Variants in TRIP11 observed in about 807,000 individuals in gnomAD.
TRIP11 encodes the protein thyroid hormone receptor interactor 11, also known as thyroid receptor-interacting protein 11.
TRIP11 carries 148 observed loss-of-function variants against 223.1 expected under a neutral mutation model. That is an observed-to-expected ratio of 0.66 (90% CI 0.58 to 0.76). TRIP11 has a LOEUF of 0.76. Ranked by LOEUF, TRIP11 falls within the 30% of genes least tolerant of loss-of-function variation. The pLI is 0.00. For missense variants in TRIP11, 2,043 were observed against 2,222.0 expected (o/e 0.92, Z 1.62); for synonymous variants, 762 against 772.6 (o/e 0.99, Z 0.23).
chr14:91,980,344 T>A (rs75263479), intron 16 of TRIP11, among the ~76,000 whole-genome samples: 1,709 of 152,244 alleles, frequency 0.011, 14 homozygotes, highest in Non-Finnish European at 0.017. Flanking sequence ...ATGAGTAAGC[T>A]CCTGTAGGCA....
intron 2 of TRIP11, among the ~76,000 whole-genome samples, chr14:92,025,675 G>A (rs1470444429): frequency 6.6e-6 from 1 of 151,968 alleles, no homozygotes. Context: ...TCAGGAGATC[G>A]AGACCATCCT....
chr14:92,007,948 A>G, intron 9 of TRIP11, 96 bp from the exon 10 acceptor site: 1 of 905,092 alleles, frequency 1.1e-6, no homozygotes, highest in South Asian at 1.5e-5. Flanking sequence ...GATTCTATTT[A>G]AGTGCTCTAT....
At chr14:91,984,086 T>C (rs903241817) in intron 16 of TRIP11, among the ~76,000 whole-genome samples, 3 of 152,076 alleles carry the variant, frequency 2.0e-5, no homozygotes, top group Non-Finnish European at 4.4e-5. Context: ...TTAAAAGTAG[T>C]CATTCAACCT....
intron 2 of TRIP11, among the ~76,000 whole-genome samples, chr14:92,028,254 TGA>T (rs1404858406): frequency 6.6e-6 from 1 of 152,164 alleles, no homozygotes; most frequent in Non-Finnish European, 1.5e-5. Context: ...CATAGCCATA[TGA>T]GAGTCAGAAA....
rs1354344157 is a variant in TRIP11 at position 92,038,795 on chromosome 14, C to G, written c.139+752G>C. Among the ~76,000 whole-genome samples, 3 of 152,044 alleles carry G rather than the reference C, an allele frequency of 2.0e-5. No homozygotes were observed. The East Asian group carries it at 5.8e-4, about 29-fold the overall frequency. ...GATCCAAACATTGCTTACTAAAATG[C>G]CAAGAAATCAAAATAGTAATTAATG... On this transcript the variant is annotated intron_variant, in intron 1 of 20. Transcript: ENST00000267622.
In TRIP11 at chr14:92,005,478, T is replaced by G. The variant is rs183586338; in HGVS notation, c.2498A>C (p.Lys833Thr). Reference protein sequence around the residue: ...RSSKLQEELDKYSQALRKNEI... With the variant: ...RSSKLQEELDTYSQALRKNEI... ...ATTTTTTCTTAAGGCCTGAGAATATTTATCCAATTCCTCCTGCAGCTTTGA... is the reference window on the plus strand; with the variant it reads ...ATTTTTTCTTAAGGCCTGAGAATATGTATCCAATTCCTCCTGCAGCTTTGA... Residue 833 changes from lysine to threonine, a missense_variant, in exon 11 of 21, where the codon AAA becomes ACA. Coordinates refer to ENST00000267622, the MANE Select transcript of TRIP11 (RefSeq NM_004239.4). 38 of 1,614,118 alleles carry G rather than the reference T, an allele frequency of 2.4e-5. No individual in the cohort carries two copies. The African/African-American group carries it at 4.5e-4, about 19-fold the overall frequency.
intron 16 of TRIP11, among the ~76,000 whole-genome samples, chr14:91,977,750 T>C (rs2056485828): frequency 6.6e-6 from 1 of 152,194 alleles, no homozygotes; most frequent in Non-Finnish European, 1.5e-5. Flanking sequence ...TGCTTTATGT[T>C]TTCATTCTGC....
chr14:91,974,554 G>A, intron 19 of TRIP11, 73 bp downstream of exon 19: 1 of 1,236,208 alleles, frequency 8.1e-7, no homozygotes, highest in South Asian at 1.3e-5. Flanking sequence ...AAAAAAATCT[G>A]ATTCTTTGCA....
At chr14:92,017,509 G>A (rs1436029119) in intron 5 of TRIP11, among the ~76,000 whole-genome samples, 173 bp downstream of exon 5, 1 of 152,164 alleles carries the variant, frequency 6.6e-6, no homozygotes, top group Non-Finnish European at 1.5e-5. Flanking sequence ...TCATGCCACT[G>A]CACTCCAGCC....
In TRIP11 at chr14:92,020,604, G is replaced by A. The variant is rs548847551; in HGVS notation, c.588+952C>T. Among the ~76,000 whole-genome samples the A allele has an allele frequency of 2.6e-5, 4 of 151,138 alleles. No homozygotes were observed. In the South Asian group the frequency reaches 8.3e-4, roughly 32 times the overall value. On this transcript the variant is annotated intron_variant, in intron 4 of 20. Coordinates refer to ENST00000267622, the MANE Select transcript of TRIP11 (RefSeq NM_004239.4). ...CACCAGAGGAGTCTCAGGGACTCCA[G>A]AAGAGAAGGTTCTTGGTTCAACCAC... is the stretch of plus-strand genomic sequence containing the variant.
At chr14:92,006,842 A>C (rs910301451) in intron 10 of TRIP11, among the ~76,000 whole-genome samples, 5 of 149,682 alleles carry the variant, frequency 3.3e-5, no homozygotes, top group Non-Finnish European at 5.9e-5. Flanking sequence ...CTAATTTTGT[A>C]TTTTTAGTAG....
intron 1 of TRIP11, among the ~76,000 whole-genome samples, chr14:92,035,033 G>C (rs117637557): frequency 6.6e-6 from 1 of 151,900 alleles, no homozygotes; most frequent in African/African-American, 2.4e-5. Context: ...GGCTGGTCTC[G>C]GTGGCTCATG....
At chr14:92,009,797 C>T (rs916967740) in intron 9 of TRIP11, among the ~76,000 whole-genome samples, 2 of 152,098 alleles carry the variant, frequency 1.3e-5, no homozygotes, top group African/African-American at 4.8e-5. Flanking sequence ...TTATAATATG[C>T]TGACATTTGT....
At chr14:91,989,738 T>C (rs1335711409) in intron 15 of TRIP11, among the ~76,000 whole-genome samples, 1 of 152,070 alleles carries the variant, frequency 6.6e-6, no homozygotes, top group Non-Finnish European at 1.5e-5. Context: ...GTAATCAAAG[T>C]CCTTAATCAG....
chr14:92,017,414 C>T (rs773523868), intron 5 of TRIP11, among the ~76,000 whole-genome samples: 15 of 152,010 alleles, frequency 9.9e-5, no homozygotes, highest in Non-Finnish European at 2.2e-4. Flanking sequence ...GGCATGGTGG[C>T]ATGTGTGCCT....
intron 16 of TRIP11, among the ~76,000 whole-genome samples, chr14:91,986,047 C>A (rs893650860): frequency 4.1e-4 from 63 of 152,106 alleles, no homozygotes; most frequent in African/African-American, 1.4e-3. Context: ...TCTCTTTACA[C>A]CCCTTCCTGT....
chr14:92,033,298 T>C (rs778407670), intron 1 of TRIP11, 45 bp from the exon 2 acceptor site: 3 of 1,439,800 alleles, frequency 2.1e-6, no homozygotes, highest in South Asian at 1.2e-5. Flanking sequence ...CAATACCATA[T>C]GAAGTAATAA....
intron 16 of TRIP11, among the ~76,000 whole-genome samples, chr14:91,981,012 A>ATATT (rs1301331303): frequency 2.6e-4 from 13 of 49,930 alleles, no homozygotes; most frequent in East Asian, 8.5e-4. Flanking sequence ...ATATATATAT[A>ATATT]TTTTTTTTTT....
chr14:91,970,350 T>C (rs141918439), intron 20 of TRIP11, among the ~76,000 whole-genome samples: 261 of 151,850 alleles, frequency 1.7e-3, no homozygotes, highest in African/African-American at 6.0e-3. Context: ...GAGGTGGAGG[T>C]TGCAGTGACT....
Sources: allele counts gnomAD v4.1 joint callset (sites outside exome capture counted in the v4.1 genomes callset), GRCh38; gene constraint gnomAD v4.1.1; transcripts MANE v1.5; gene names NCBI Gene and HGNC (gene_info 2026-07-23, HGNC 2026-07-21).